The following SEMA6D variants were observed in gnomAD, a reference collection of about 807,000 sequenced individuals.
SEMA6D encodes semaphorin 6D, also known as semaphorin-6D.
Under a neutral mutation model 106.6 loss-of-function variants are expected in SEMA6D, and 35 were observed. The observed-to-expected ratio is 0.33, with a 90% CI of 0.25 to 0.44. The LOEUF is 0.44. SEMA6D is among the 20% of genes least tolerant of loss of function. The probability of loss-of-function intolerance (pLI) is 1.00; values close to 1 mark genes in which losing one functional copy is unlikely to be tolerated. For missense variants in SEMA6D, 1,185 were observed against 1,345.9 expected, an observed-to-expected ratio of 0.88 and a Z score of 1.87; for synonymous variants, 499 against 487.7, an observed-to-expected ratio of 1.02 and a Z score of -0.31.
intron 3 of SEMA6D, among the ~76,000 whole-genome samples, chr15:47,505,857 G>A (rs1322454756): frequency 1.3e-5 from 2 of 152,030 alleles, no homozygotes; most frequent in Non-Finnish European, 2.9e-5. Context: ...AAAATAACAC[G>A]CTGTGGAGAG....
chr15:47,542,985 C>G (rs977390618), intron 3 of SEMA6D, among the ~76,000 whole-genome samples: 7 of 152,094 alleles, frequency 4.6e-5, no homozygotes, highest in African/African-American at 1.7e-4. Flanking sequence ...GCTGAATGTT[C>G]CCACAATGTC....
intron 1 of SEMA6D, among the ~76,000 whole-genome samples, chr15:47,242,454 G>T (rs548614345): frequency 3.9e-5 from 6 of 152,194 alleles, no homozygotes; most frequent in Non-Finnish European, 7.4e-5. Context: ...TTTGTGTTCT[G>T]CATAATACTT....
At chr15:47,444,159 C>G (rs1166497098) in intron 2 of SEMA6D, among the ~76,000 whole-genome samples, 1 of 152,116 alleles carries the variant, frequency 6.6e-6, no homozygotes, top group Non-Finnish European at 1.5e-5. Context: ...AGGAGCAAGT[C>G]ATGAGAAGTA....
intron 1 of SEMA6D, among the ~76,000 whole-genome samples, chr15:47,356,935 G>C (rs1367081454): frequency 6.6e-6 from 1 of 152,156 alleles, no homozygotes; most frequent in South Asian, 2.1e-4. Context: ...AATCTCAATT[G>C]TTTGTGATCA....
chr15:47,581,124 C>CT (rs1179232815), intron 3 of SEMA6D, among the ~76,000 whole-genome samples: 1 of 152,172 alleles, frequency 6.6e-6, no homozygotes, highest in Non-Finnish European at 1.5e-5. Context: ...AACTTCAGAT[C>CT]TTTTTCAGGG....
Position 47,346,477 on chromosome 15 carries a change from G to C in SEMA6D, c.-238-65916G>C, listed in dbSNP as rs889495256. Among the ~76,000 whole-genome samples the C allele has an allele frequency of 3.3e-5, 5 of 152,160 alleles. No individual in the cohort carries two copies. The East Asian group carries it at 7.7e-4, about 24-fold the overall frequency. On this transcript the variant is annotated intron_variant, in intron 1 of 19. Transcript: ENST00000558014. ...TTTCCATGACTGTCCTTTTGTCTCC[G>C]GGCTGTAGCTGTGTTGTAGAGGGCT...
At chr15:47,229,115 G>A (rs1456519725) in intron 1 of SEMA6D, among the ~76,000 whole-genome samples, 3 of 152,010 alleles carry the variant, frequency 2.0e-5, no homozygotes, top group Non-Finnish European at 2.9e-5. Flanking sequence ...ACTCCAACAT[G>A]AGGCTCTATG....
At chr15:47,483,539 A>C (rs1596117645) in intron 3 of SEMA6D, among the ~76,000 whole-genome samples, 2 of 152,142 alleles carry the variant, frequency 1.3e-5, no homozygotes, top group Non-Finnish European at 2.9e-5. Context: ...CAGAGTCTTA[A>C]CTGTAATAGT....
intron 2 of SEMA6D, among the ~76,000 whole-genome samples, chr15:47,468,615 G>A (rs1341946434): frequency 6.6e-6 from 1 of 152,128 alleles, no homozygotes; most frequent in African/African-American, 2.4e-5. Flanking sequence ...AATACCTTCC[G>A]AAAGATCACC....
At chr15:47,428,932 G>A (rs1172848258) in intron 2 of SEMA6D, among the ~76,000 whole-genome samples, 2 of 151,374 alleles carry the variant, frequency 1.3e-5, no homozygotes, top group African/African-American at 4.9e-5. Flanking sequence ...GGAAGAGGAG[G>A]AAGAGAGGGA....
At chr15:47,697,700 G>A (rs2145862154) in intron 4 of SEMA6D, among the ~76,000 whole-genome samples, 1 of 152,304 alleles carries the variant, frequency 6.6e-6, no homozygotes, top group African/African-American at 2.4e-5. Context: ...AAGGTCTGAT[G>A]AATTTGAAAT....
At chr15:47,706,942 C>T (rs1013303036) in intron 4 of SEMA6D, among the ~76,000 whole-genome samples, 1 of 152,264 alleles carries the variant, frequency 6.6e-6, no homozygotes, top group Non-Finnish European at 1.5e-5. Flanking sequence ...TCCATACTCA[C>T]TCTTCATAAG....
intron 1 of SEMA6D, among the ~76,000 whole-genome samples, chr15:47,331,079 A>G (rs2037323824): frequency 6.6e-6 from 1 of 152,208 alleles, no homozygotes; most frequent in South Asian, 2.1e-4. Context: ...TCTGTCACGA[A>G]TCTCACTGGC....
intron 1 of SEMA6D, among the ~76,000 whole-genome samples, chr15:47,289,864 G>A (rs910305131): frequency 3.3e-5 from 5 of 151,756 alleles, no homozygotes; most frequent in African/African-American, 1.2e-4. Flanking sequence ...ACAGTCCTGG[G>A]AGTGTTGCTG....
intron 1 of SEMA6D, among the ~76,000 whole-genome samples, chr15:47,304,939 C>T (rs180999979): frequency 2.6e-5 from 4 of 152,314 alleles, no homozygotes; most frequent in African/African-American, 9.6e-5. Context: ...AGCTGAAAGA[C>T]TCACCCTGAC....
intron 2 of SEMA6D, among the ~76,000 whole-genome samples, chr15:47,462,038 T>C (rs2141046453): frequency 6.6e-6 from 1 of 152,168 alleles, no homozygotes; most frequent in African/African-American, 2.4e-5. Flanking sequence ...GATGTTTTTC[T>C]CCTTTTACAT....
At position 47,199,728 on chromosome 15, in the gene SEMA6D, T is replaced by G. The variant is rs966971975; in HGVS notation, c.-239+15310T>G. 5.9e-5 allele frequency among the ~76,000 whole-genome samples: 9 copies of G among 152,132 alleles called. No individual in the cohort carries two copies. The South Asian group carries it at 1.9e-3, about 31-fold the overall frequency. On this transcript the variant is annotated intron_variant, in intron 1 of 19. Transcript: ENST00000558014. ...CAAGAAAACTTGCTAAACTAAAATA[T>G]ATCTCTCCTCTCTCCTGCCTTCTCA...
rs1217338902 is a variant in SEMA6D at position 47,766,655 on chromosome 15, A to G, written c.1686A>G (p.Thr562=). 2 of 1,611,840 alleles carry G rather than the reference A, an allele frequency of 1.2e-6. No homozygotes were observed. The highest frequency in any genetic ancestry group is 1.3e-5 in the African/African-American group (1 of 74,818). The stretch of plus-strand genomic sequence containing the variant: ...AACAAGACACAGAATTCGGCAACAC[A>G]GCTCATCTAGGGGACTGCCATGGTA... The part of the protein sequence containing the change: ...GYEQDTEFGN[T]AHLGDCHEIL... Residue 562 remains threonine, a synonymous_variant, in exon 16 of 19, where the codon ACA becomes ACG. Transcript: ENST00000536845.
rs913100079 is a variant in SEMA6D, at chr15:47,532,583, C to G, written c.-87+62038C>G. ...ATGTCAAAGTCAATCCCAACCTTTT[C>G]ATTCTGGGTCTCTCAGTACAAGTTC... On this transcript the variant is annotated intron_variant, in intron 3 of 19. Transcript: ENST00000558014. 2.0e-5 allele frequency among the ~76,000 whole-genome samples: 3 copies of G among 152,322 alleles called. No homozygotes were observed. In the East Asian group the frequency reaches 5.8e-4, roughly 29 times the overall value.
Sources: allele counts gnomAD v4.1 joint callset (sites outside exome capture counted in the v4.1 genomes callset), GRCh38; gene constraint gnomAD v4.1.1; transcripts MANE v1.5; gene names NCBI Gene and HGNC (gene_info 2026-07-23, HGNC 2026-07-21).